The following ADA variants were observed in gnomAD, a reference collection of about 807,000 sequenced individuals.
ADA encodes the protein adenosine aminohydrolase.
A neutral mutation model predicts 49.0 loss-of-function variants in ADA; 45 were observed. That is an observed-to-expected ratio of 0.92 (90% confidence interval 0.72 to 1.18). ADA has a LOEUF of 1.18. Ranked by LOEUF, ADA falls within the 50% of genes most tolerant of loss-of-function variation. ADA has a pLI of 0.00. For missense variants in ADA, 445 were observed against 472.5 expected (o/e 0.94, Z 0.54); for synonymous variants, 173 against 184.2 (o/e 0.94, Z 0.49).
At chr20:44,625,746 G>T in intron 4 of ADA, 62 bp from the exon 5 acceptor site, 1 of 1,357,478 alleles carries the variant, frequency 7.4e-7, no homozygotes, top group Non-Finnish European at 1.0e-6. Context: ...GGGCAGCTCT[G>T]GGACTGGGAC....
chr20:44,634,765 G>A (rs570069331), intron 2 of ADA, among the ~76,000 whole-genome samples: 104 of 152,358 alleles, frequency 6.8e-4, no homozygotes, highest in Non-Finnish European at 1.2e-3. Context: ...GGGAGTTGGT[G>A]GAGATGCTCC....
At position 44,629,417 on chromosome 20, in the gene ADA, A is replaced by AGT. The variant is rs71825229; in HGVS notation, c.96-250_96-249dup. Among the ~76,000 whole-genome samples, 9,208 of 150,348 alleles carry AGT rather than the reference A, an allele frequency of 0.061. 325 individuals are homozygous for AGT. Among genetic ancestry groups the AGT allele is most frequent in the African/African-American group, 0.086 (3,544 of 41,148 alleles). On this transcript the variant is annotated intron_variant, in intron 2 of 11. Coordinates refer to ENST00000372874, the MANE Select transcript of ADA (RefSeq NM_000022.4). ...ATCTCAAGGGGGATAAACAGGTTGAAGTGTGTGTGTGTGTGTGTGTGTATG... is the reference window on the plus strand; with the variant it reads ...ATCTCAAGGGGGATAAACAGGTTGAAGTGTGTGTGTGTGTGTGTGTGTGTATG...
chr20:44,641,607 G>A (rs1403882259), intron 1 of ADA, among the ~76,000 whole-genome samples: 1 of 152,088 alleles, frequency 6.6e-6, no homozygotes, highest in Admixed American at 6.6e-5. Context: ...AAGTCAGAAA[G>A]TCAGAAGGTC....
intron 7 of ADA, 25 bp downstream of exon 7, chr20:44,622,982 C>A: frequency 6.2e-7 from 1 of 1,614,238 alleles, no homozygotes; most frequent in Non-Finnish European, 8.5e-7. Context: ...TGAGGAGGGA[C>A]CCCATGGCCA....
chr20:44,632,828 G>A (rs2065446016), intron 2 of ADA, among the ~76,000 whole-genome samples: 1 of 152,244 alleles, frequency 6.6e-6, no homozygotes, highest in Non-Finnish European at 1.5e-5. Context: ...AAGTAGCTGG[G>A]ATTATAGATG....
chr20:44,624,134 C>G (rs2065359490), intron 6 of ADA, 68 bp downstream of exon 6: 1 of 1,550,568 alleles, frequency 6.4e-7, no homozygotes, highest in African/African-American at 1.4e-5. Flanking sequence ...CTTGTGATTT[C>G]TCCCAACTAT....
chr20:44,650,719 C>T (rs2065636738), intron 1 of ADA, among the ~76,000 whole-genome samples: 1 of 152,158 alleles, frequency 6.6e-6, no homozygotes, highest in Non-Finnish European at 1.5e-5. Flanking sequence ...CAGGCGTGAG[C>T]CAACCTCCTG....
chr20:44,621,369 T>A (rs2065330163), intron 9 of ADA, among the ~76,000 whole-genome samples: 1 of 151,760 alleles, frequency 6.6e-6, no homozygotes, highest in Admixed American at 6.6e-5. Context: ...AGACCAGAGC[T>A]GGGCAAAGGC....
intron 2 of ADA, among the ~76,000 whole-genome samples, chr20:44,634,739 T>G (rs1236013460): frequency 1.3e-5 from 2 of 152,250 alleles, no homozygotes; most frequent in Non-Finnish European, 2.9e-5. Context: ...ATAGTGGACT[T>G]ACCAGAAATC....
intron 1 of ADA, among the ~76,000 whole-genome samples, chr20:44,645,504 C>T (rs965211809): frequency 3.9e-5 from 6 of 152,134 alleles, no homozygotes; most frequent in African/African-American, 1.4e-4. Context: ...CACCTGTAAT[C>T]CCAACTACTT....
chr20:44,626,385 G>A (rs1050968300), intron 4 of ADA, 71 bp downstream of exon 4: 15 of 1,606,268 alleles, frequency 9.3e-6, no homozygotes, highest in Admixed American at 6.7e-5. Flanking sequence ...CCAGCAGTTC[G>A]CCCTTCCAGT....
intron 9 of ADA, among the ~76,000 whole-genome samples, chr20:44,621,950 A>G (rs244079): frequency 0.07 from 10,609 of 152,270 alleles, 512 homozygotes; most frequent in African/African-American, 0.14. Flanking sequence ...TCAGAACATC[A>G]GAGCCGAAGC....
intron 1 of ADA, among the ~76,000 whole-genome samples, chr20:44,638,942 G>A (rs547692245): frequency 2.6e-5 from 4 of 152,116 alleles, no homozygotes; most frequent in African/African-American, 9.7e-5. Context: ...GCATGTGCAA[G>A]GCCCTATGGC....
At chr20:44,649,119 T>C (rs570890564) in intron 1 of ADA, among the ~76,000 whole-genome samples, 1 of 152,200 alleles carries the variant, frequency 6.6e-6, no homozygotes, top group South Asian at 2.1e-4. Flanking sequence ...AACCCCAGAT[T>C]GGACATTTCC....
intron 10 of ADA, chr20:44,620,675 A>G (rs1183233464): frequency 1.6e-5 from 9 of 572,424 alleles, no homozygotes; most frequent in Non-Finnish European, 2.8e-5. Flanking sequence ...CACCTCGCAG[A>G]CACGTGCAGG....
chr20:44,640,017 AAGG>A (rs1490719491), intron 1 of ADA, among the ~76,000 whole-genome samples: 2 of 152,024 alleles, frequency 1.3e-5, no homozygotes, highest in Non-Finnish European at 2.9e-5. Flanking sequence ...GTCAGATGTC[AAGG>A]AGAAGCGAGC....
chr20:44,629,264 C>G, intron 2 of ADA, 95 bp from the exon 3 acceptor site: 2 of 1,561,532 alleles, frequency 1.3e-6, no homozygotes, highest in Non-Finnish European at 1.8e-6. Context: ...CGCCAGCCTC[C>G]TTGCAGGACC....
chr20:44,641,677 G>A (rs974037486), intron 1 of ADA, among the ~76,000 whole-genome samples: 1 of 152,162 alleles, frequency 6.6e-6, no homozygotes, highest in Admixed American at 6.5e-5. Context: ...AATGGGGGCG[G>A]TAGTCACGTC....
chr20:44,634,944 G>A (rs1477121874), intron 2 of ADA, among the ~76,000 whole-genome samples: 1 of 152,252 alleles, frequency 6.6e-6, no homozygotes, highest in Non-Finnish European at 1.5e-5. Context: ...CAAAATGAGT[G>A]TTGTGCAAAC....
Sources: allele counts gnomAD v4.1 joint callset (sites outside exome capture counted in the v4.1 genomes callset), GRCh38; gene constraint gnomAD v4.1.1; transcripts MANE v1.5; gene names NCBI Gene and HGNC (gene_info 2026-07-23, HGNC 2026-07-21).